COG2: variants seen among roughly 807,000 people sequenced by gnomAD.
COG2 encodes conserved oligomeric Golgi complex subunit 2.
COG2 carries 52 observed loss-of-function variants against 90.6 expected under a neutral mutation model. That is an observed-to-expected ratio of 0.57 (90% CI 0.46 to 0.72). The LOEUF (loss-of-function observed/expected upper bound fraction) is 0.72. Among genes scored for constraint, COG2 ranks in the 30% least tolerant of loss-of-function variants. The pLI is 0.00. For missense variants in COG2, 829 were observed against 891.2 expected (o/e 0.93, Z 0.89); for synonymous variants, 337 against 320.4 (o/e 1.05, Z -0.55).
intron 15 of COG2, 34 bp from the exon 16 acceptor site, chr1:230,689,979 CT>C: frequency 6.5e-7 from 1 of 1,530,078 alleles, no homozygotes; most frequent in Non-Finnish European, 8.8e-7. Context: ...TGTTTTTTTC[CT>C]GTGCATCTTT....
chr1:230,679,080 C>A (rs781669935), intron 10 of COG2, 28 bp downstream of exon 10: 16 of 1,593,722 alleles, frequency 1.0e-5, no homozygotes, highest in Non-Finnish European at 1.3e-5. Flanking sequence ...CGCCCCCGCC[C>A]CGCACCCTTC....
At chr1:230,666,727 C>G (rs539999701) in intron 5 of COG2, among the ~76,000 whole-genome samples, 1 of 152,254 alleles carries the variant, frequency 6.6e-6, no homozygotes, top group East Asian at 1.9e-4. Context: ...TAACTTCCAC[C>G]TCCCTTTCAC....
chr1:230,687,954 C>T, intron 13 of COG2, 117 bp from the exon 14 acceptor site: 1 of 654,126 alleles, frequency 1.5e-6, no homozygotes, highest in Non-Finnish European at 2.6e-6. Context: ...ACTGAAATTC[C>T]TGATTTTAAG....
At position 230,688,158 on chromosome 1, in the gene COG2, T is replaced by A; in HGVS notation, c.1651+15T>A. 3 of 1,519,458 alleles carry A rather than the reference T, an allele frequency of 2.0e-6. No homozygotes were observed. The highest frequency in any genetic ancestry group is 2.7e-6 in the Non-Finnish European group (3 of 1,109,690). 94.1% of individuals were successfully genotyped at this position (1,519,458 alleles called of 1,614,324 possible). ...TTCTATCTCAGGTAAAAATGAATCT[T>A]GACTAAGCAAATCTTTGAATAAGAA... On this transcript the variant is annotated intron_variant, in intron 14 of 17. Coordinates refer to ENST00000366669, the MANE Select transcript of COG2 (RefSeq NM_007357.3).
intron 1 of COG2, among the ~76,000 whole-genome samples, chr1:230,648,931 A>G (rs1268981459): frequency 6.6e-6 from 1 of 152,216 alleles, no homozygotes; most frequent in Non-Finnish European, 1.5e-5. Context: ...ATAGATTGTC[A>G]TTAGTGTTAA....
intron 9 of COG2, chr1:230,678,192 G>A (rs752691310): frequency 1.0e-5 from 10 of 985,258 alleles, no homozygotes; most frequent in East Asian, 1.1e-4. Context: ...ACATGCAGCC[G>A]CAGTTTTGGT....
At chr1:230,677,587 GGCTTTAAGCAGAAGCAATTGTAA>G (rs148755643) in intron 9 of COG2, among the ~76,000 whole-genome samples, 6,332 of 152,258 alleles carry the variant, frequency 0.042, 244 homozygotes, top group East Asian at 0.15. Flanking sequence ...GTGAAATAAT[GGCTTTAAGCAGAAGCAATTGTAA>G]GCTTTAAGCA....
At chr1:230,688,316 C>A in intron 14 of COG2, 104 bp from the exon 15 acceptor site, 1 of 1,405,898 alleles carries the variant, frequency 7.1e-7, no homozygotes, top group Non-Finnish European at 9.8e-7. Flanking sequence ...TTCATTTGAT[C>A]TGATTTATTA....
At chr1:230,690,775 T>A (rs904322996) in intron 16 of COG2, among the ~76,000 whole-genome samples, 6 of 152,220 alleles carry the variant, frequency 3.9e-5, no homozygotes, top group African/African-American at 1.2e-4. Context: ...CATTTATGGG[T>A]TAATTTAGAA....
At chr1:230,680,261 C>T (rs566626310) in intron 10 of COG2, 2 of 152,244 alleles carry the variant, frequency 1.3e-5, no homozygotes, top group South Asian at 2.1e-4. Context: ...TTACATTTCC[C>T]CATCTCTTTT....
chr1:230,693,448 C>G lies in COG2; in HGVS notation c.*55C>G. 8.9e-7 allele frequency: 1 copy of G among 1,126,708 alleles called. No homozygotes were observed. The highest frequency in any genetic ancestry group is 1.3e-6 in the Non-Finnish European group (1 of 756,776). The allele number at this position is 1,126,708 out of a possible 1,614,324, so 69.8% of individuals were successfully genotyped here. On this transcript the variant is annotated 3_prime_UTR_variant, in exon 18 of 18. Transcript: ENST00000366669. ...TTAAGCAAGAGAAGAGTTGGACTTC[C>G]AGGCTGAAGGGGAGAAAGTGACTCT...
chr1:230,653,064 T>C (rs1008973121), intron 1 of COG2, among the ~76,000 whole-genome samples: 4 of 152,186 alleles, frequency 2.6e-5, no homozygotes, highest in African/African-American at 9.7e-5. Flanking sequence ...TATTATTAAC[T>C]ATAGTCATCA....
chr1:230,666,744 G>T (rs144149130), intron 5 of COG2, among the ~76,000 whole-genome samples: 1 of 152,024 alleles, frequency 6.6e-6, no homozygotes, highest in Non-Finnish European at 1.5e-5. Context: ...TCACCTGCCC[G>T]ATTTCTCTTT....
intron 5 of COG2, among the ~76,000 whole-genome samples, chr1:230,666,301 C>T (rs1200843236): frequency 1.3e-5 from 2 of 152,156 alleles, no homozygotes; most frequent in African/African-American, 2.4e-5. Context: ...GTCATTTTCT[C>T]CTTTTTTAAA....
At chr1:230,650,182 G>A (rs1661879080) in intron 1 of COG2, among the ~76,000 whole-genome samples, 2 of 152,202 alleles carry the variant, frequency 1.3e-5, no homozygotes, top group Admixed American at 1.3e-4. Context: ...AAACATAGGA[G>A]TGCAGGTGTC....
At chr1:230,664,665 T>G in intron 5 of COG2, 78 bp downstream of exon 5, 1 of 651,616 alleles carries the variant, frequency 1.5e-6, no homozygotes, top group Non-Finnish European at 2.5e-6. Flanking sequence ...AGAACTCATT[T>G]CTGATAAAGA....
intron 10 of COG2, chr1:230,680,683 C>T (rs1339195933): frequency 6.6e-6 from 1 of 152,140 alleles, no homozygotes; most frequent in South Asian, 2.1e-4. Context: ...ATTTAAAATT[C>T]ATGAAATTTT....
In COG2 at chr1:230,691,778, C is replaced by T. The variant is rs776746551; in HGVS notation, c.2115+214C>T. On this transcript the variant is annotated intron_variant, in intron 17 of 17. Transcript: ENST00000366669. ...GAATTCCCGTTTTGAAGTCTGGTGG[C>T]GTGCTCTCTGGTGCTGTTGCCATCT... 39 of 515,524 alleles carry T rather than the reference C, an allele frequency of 7.6e-5. No homozygotes were observed. In the East Asian group the frequency reaches 8.2e-4, roughly 11 times the overall value. 31.9% of individuals were successfully genotyped at this position (515,524 alleles called of 1,614,324 possible). A position where few individuals can be genotyped will look rare whatever the true frequency, so the allele number is the denominator to read the frequency against.
At chr1:230,665,008 T>A (rs948459015) in intron 5 of COG2, among the ~76,000 whole-genome samples, 14 of 152,198 alleles carry the variant, frequency 9.2e-5, no homozygotes, top group African/African-American at 3.1e-4. Flanking sequence ...CAGGACATAT[T>A]TCACTGAAAT....
Sources: gnomAD v4.1 joint callset for allele counts (sites outside exome capture counted in the v4.1 genomes callset) on GRCh38, gnomAD v4.1.1 for gene constraint, MANE v1.5 for transcripts, NCBI Gene and HGNC (gene_info 2026-07-23, HGNC 2026-07-21) for gene names.